The following LMBR1 variants were observed in gnomAD, a reference collection of about 807,000 sequenced individuals.
LMBR1 encodes the protein limb development membrane protein 1, also known as limb region 1 protein homolog.
In LMBR1, 52 loss-of-function variants were observed where a neutral mutation model predicts 73.9. The ratio of observed to expected loss-of-function variants is 0.70; its 90% confidence interval spans 0.56 to 0.89. LMBR1 has a LOEUF of 0.89. LMBR1 is among the 40% of genes least tolerant of loss of function. The pLI is 0.00. For synonymous variants in LMBR1, 215 were observed against 209.4 expected (o/e 1.03, Z -0.23); for missense variants, 539 against 579.8 (o/e 0.93, Z 0.72).
rs540352987 is a variant in LMBR1, at chr7:156,681,461, T to C, written c.*2617A>G. On this transcript the variant is annotated 3_prime_UTR_variant, in exon 17 of 17. Coordinates refer to ENST00000353442, the MANE Select transcript of LMBR1 (RefSeq NM_022458.4). ...TACATAAAGCTACGTAAATAGTAAA[T>C]CTAAGAAGTATCTTGGAAAATCAGT... The C allele has an allele frequency of 1.3e-5, 2 of 155,290 alleles. No homozygotes were observed. The highest frequency in any genetic ancestry group is 3.9e-4 in the South Asian group (2 of 5,174). The allele number at this position is 155,290 out of a possible 1,614,324, so 9.6% of individuals were successfully genotyped here. A position where few individuals can be genotyped will look rare whatever the true frequency, so the allele number is the denominator to read the frequency against.
intron 16 of LMBR1, among the ~76,000 whole-genome samples, chr7:156,686,795 T>C (rs1179734633): frequency 6.6e-6 from 1 of 152,236 alleles, no homozygotes; most frequent in African/African-American, 2.4e-5. Context: ...TCTGAAACCA[T>C]GGCTAACTAA....
At chr7:156,697,693 CT>C (rs1198708798) in intron 15 of LMBR1, among the ~76,000 whole-genome samples, 1 of 152,190 alleles carries the variant, frequency 6.6e-6, no homozygotes, top group Non-Finnish European at 1.5e-5. Flanking sequence ...GCAGTCAGAC[CT>C]TATGGTTGTC....
intron 9 of LMBR1, among the ~76,000 whole-genome samples, chr7:156,743,681 CTTTAG>C (rs762288069): frequency 3.7e-4 from 57 of 152,226 alleles, no homozygotes; most frequent in Admixed American, 2.4e-3. Flanking sequence ...GCTAGTGAAA[CTTTAG>C]TTTATCCTTT....
At chr7:156,774,965 G>A (rs1195244519) in intron 5 of LMBR1, among the ~76,000 whole-genome samples, 4 of 152,194 alleles carry the variant, frequency 2.6e-5, no homozygotes, top group Non-Finnish European at 5.9e-5. Flanking sequence ...GCTAAACATT[G>A]AGTATACATG....
intron 15 of LMBR1, among the ~76,000 whole-genome samples, chr7:156,698,497 C>A (rs544110677): frequency 6.6e-6 from 1 of 150,486 alleles, no homozygotes; most frequent in East Asian, 1.9e-4. Flanking sequence ...TTCCATACAT[C>A]TTCTGAAATC....
At chr7:156,696,548 G>A (rs1808322683) in intron 15 of LMBR1, among the ~76,000 whole-genome samples, 1 of 152,162 alleles carries the variant, frequency 6.6e-6, no homozygotes, top group African/African-American at 2.4e-5. Context: ...CACAGTCATG[G>A]CAGAGGGCGA....
At chr7:156,781,296 A>G (rs144562672) in intron 5 of LMBR1, among the ~76,000 whole-genome samples, 2 of 152,324 alleles carry the variant, frequency 1.3e-5, no homozygotes, top group African/African-American at 4.8e-5. Flanking sequence ...TAGAAATTCC[A>G]AAACACCACA....
At chr7:156,769,034 T>C (rs1349618883) in intron 5 of LMBR1, among the ~76,000 whole-genome samples, 2 of 152,192 alleles carry the variant, frequency 1.3e-5, no homozygotes, top group South Asian at 2.1e-4. Context: ...ACTGTTTATA[T>C]TGGGCCAAAG....
chr7:156,725,348 A>G, intron 14 of LMBR1, 87 bp downstream of exon 14: 2 of 775,380 alleles, frequency 2.6e-6, no homozygotes, highest in Non-Finnish European at 4.2e-6. Context: ...TATCACTGCA[A>G]ATGAACCATT....
intron 5 of LMBR1, among the ~76,000 whole-genome samples, chr7:156,781,960 C>G (rs966317027): frequency 1.1e-4 from 16 of 152,222 alleles, no homozygotes; most frequent in African/African-American, 3.9e-4. Flanking sequence ...CCAACTGAAA[C>G]TCTGTACCCA....
intron 15 of LMBR1, among the ~76,000 whole-genome samples, chr7:156,710,705 C>T (rs990267308): frequency 2.6e-5 from 4 of 152,180 alleles, no homozygotes; most frequent in Non-Finnish European, 2.9e-5. Flanking sequence ...GATCATCACA[C>T]AAACACGTAG....
chr7:156,672,888 G>T (rs1802872609), downstream of LMBR1, among the ~76,000 whole-genome samples: 1 of 152,218 alleles, frequency 6.6e-6, no homozygotes, highest in African/African-American at 2.4e-5. Context: ...AATGTGATCG[G>T]TAACTTCTAT....
chr7:156,782,195 ACG>A (rs1827257862), intron 5 of LMBR1, among the ~76,000 whole-genome samples: 1 of 152,152 alleles, frequency 6.6e-6, no homozygotes. Flanking sequence ...TGGATATATC[ACG>A]TGTGGTTTAC....
intron 5 of LMBR1, among the ~76,000 whole-genome samples, chr7:156,772,691 T>C (rs1318211202): frequency 1.3e-5 from 2 of 151,570 alleles, no homozygotes; most frequent in African/African-American, 4.9e-5. Context: ...CTACTAAAAA[T>C]AAAAAAATTA....
chr7:156,877,638 C>T (rs573592700), intron 1 of LMBR1, among the ~76,000 whole-genome samples: 5 of 152,146 alleles, frequency 3.3e-5, no homozygotes, highest in African/African-American at 4.8e-5. Context: ...AATCCCAGCA[C>T]GTTGGGAGGC....
intron 15 of LMBR1, among the ~76,000 whole-genome samples, chr7:156,696,599 C>G (rs1212410677): frequency 6.6e-6 from 1 of 152,178 alleles, no homozygotes; most frequent in Non-Finnish European, 1.5e-5. Flanking sequence ...AGAATGGAAG[C>G]TTGTGCTGGG....
chr7:156,717,958 C>T lies in LMBR1; in HGVS notation c.1225+6154G>A, dbSNP rs554620872. ...AAGAGGAGACTGGAATTAGAAGTGG[C>T]GGCCGGATCTCTAATTTTTAGTATT... On this transcript the variant is annotated intron_variant, in intron 15 of 16. Coordinates refer to ENST00000353442, the MANE Select transcript of LMBR1 (RefSeq NM_022458.4). Among the ~76,000 whole-genome samples, 34 of 152,252 alleles carry T rather than the reference C, an allele frequency of 2.2e-4. No individual in the cohort carries two copies. In the South Asian group the frequency reaches 6.6e-3, roughly 30 times the overall value.
At chr7:156,674,624 T>C (rs77575000), downstream of LMBR1, among the ~76,000 whole-genome samples, 2,707 of 152,216 alleles carry the variant, frequency 0.018, 84 homozygotes, top group African/African-American at 0.062. Flanking sequence ...TGAGTGAGCA[T>C]TGATGGCCCC....
intron 1 of LMBR1, among the ~76,000 whole-genome samples, chr7:156,864,232 T>C (rs934954792): frequency 2.6e-5 from 4 of 152,132 alleles, no homozygotes; most frequent in African/African-American, 9.7e-5. Flanking sequence ...TCTAACCAAG[T>C]GCCTCCAAAA....
Sources: allele counts gnomAD v4.1 joint callset (sites outside exome capture counted in the v4.1 genomes callset), GRCh38; gene constraint gnomAD v4.1.1; transcripts MANE v1.5; gene names NCBI Gene and HGNC (gene_info 2026-07-23, HGNC 2026-07-21).